The following KAZN variants were observed in gnomAD, a reference collection of about 807,000 sequenced individuals.
KAZN encodes kazrin.
A neutral mutation model predicts 87.4 loss-of-function variants in KAZN; 40 were observed. The observed-to-expected ratio is 0.46, with a 90% CI of 0.36 to 0.60. The LOEUF is 0.60. Among genes scored for constraint, KAZN ranks in the 20% least tolerant of loss-of-function variants. KAZN has a pLI of 0.00. For synonymous variants in KAZN, 466 were observed against 458.3 expected (o/e 1.02, Z -0.22); for missense variants, 898 against 1,073.9 (o/e 0.84, Z 2.29).
At chr1:14,777,510 C>T (rs1365218204) in intron 1 of KAZN, among the ~76,000 whole-genome samples, 1 of 152,118 alleles carries the variant, frequency 6.6e-6, no homozygotes, top group Non-Finnish European at 1.5e-5. Flanking sequence ...CCATGCGACC[C>T]CCACAGGGCC....
At chr1:14,623,777 T>C (rs1052393640) in intron 1 of KAZN, among the ~76,000 whole-genome samples, 1 of 152,212 alleles carries the variant, frequency 6.6e-6, no homozygotes, top group African/African-American at 2.4e-5. Flanking sequence ...TTTTGATATC[T>C]AATTGACTGA....
At chr1:14,631,276 AC>A (rs1344558870) in intron 1 of KAZN, among the ~76,000 whole-genome samples, 2 of 152,218 alleles carry the variant, frequency 1.3e-5, no homozygotes, top group African/African-American at 4.8e-5. Flanking sequence ...GGTAGGGAGC[AC>A]CAAGTATGAG....
chr1:14,384,375 G>C (rs930691670), intron 2 of KAZN, among the ~76,000 whole-genome samples: 1 of 152,108 alleles, frequency 6.6e-6, no homozygotes, highest in African/African-American at 2.4e-5. Flanking sequence ...GGTGAGAGGG[G>C]GCATTCCTGT....
chr1:14,647,826 C>T (rs905040751), intron 1 of KAZN, among the ~76,000 whole-genome samples: 3 of 152,144 alleles, frequency 2.0e-5, no homozygotes, highest in African/African-American at 7.2e-5. Flanking sequence ...TCTCCCGCAC[C>T]TTAACCCCCT....
intron 1 of KAZN, among the ~76,000 whole-genome samples, chr1:14,958,796 G>C (rs1663488166): frequency 6.6e-6 from 1 of 152,228 alleles, no homozygotes; most frequent in African/African-American, 2.4e-5. Context: ...CCCTCCCCTG[G>C]TCCCTCTGTG....
chr1:14,956,376 G>A (rs1479700103), intron 1 of KAZN, among the ~76,000 whole-genome samples: 25 of 151,320 alleles, frequency 1.7e-4, no homozygotes, highest in Non-Finnish European at 1.5e-5. Flanking sequence ...GAGGCAGGTG[G>A]ATCATCTGAG....
intron 2 of KAZN, among the ~76,000 whole-genome samples, chr1:14,191,945 C>T (rs1202484386): frequency 6.6e-6 from 1 of 152,146 alleles, no homozygotes; most frequent in African/African-American, 2.4e-5. Context: ...AATCTCCTCT[C>T]TCACCATGGC....
chr1:14,158,082 T>C (rs1313857638), intron 1 of KAZN, among the ~76,000 whole-genome samples: 3 of 152,098 alleles, frequency 2.0e-5, no homozygotes, highest in African/African-American at 7.2e-5. Context: ...TCAGGTAATC[T>C]TCTTCAGGTT....
chr1:14,203,126 G>T (rs1646673288), intron 2 of KAZN, among the ~76,000 whole-genome samples: 1 of 151,836 alleles, frequency 6.6e-6, no homozygotes, highest in Non-Finnish European at 1.5e-5. Context: ...TAAATAATAA[G>T]AAGCCTATCG....
chr1:14,736,295 G>A (rs866063297), intron 1 of KAZN, among the ~76,000 whole-genome samples: 15 of 128,584 alleles, frequency 1.2e-4, no homozygotes, highest in East Asian at 9.8e-4. Flanking sequence ...GTGTGTGTGT[G>A]TGTGTATATT....
At chr1:14,348,561 T>C (rs908513805) in intron 2 of KAZN, among the ~76,000 whole-genome samples, 2 of 152,216 alleles carry the variant, frequency 1.3e-5, no homozygotes, top group Non-Finnish European at 2.9e-5. Flanking sequence ...ACCACCTCCC[T>C]GAATCTGAGA....
intron 1 of KAZN, chr1:14,924,417 A>G (rs1273709644): frequency 3.0e-6 from 3 of 986,628 alleles, no homozygotes; most frequent in Non-Finnish European, 3.6e-6. Context: ...CTCGCGGCGC[A>G]GGGCGAGCCG....
chr1:15,034,862 C>G lies in KAZN; in HGVS notation c.532C>G (p.Arg178Gly). 1 of 1,613,942 alleles carries G rather than the reference C, an allele frequency of 6.2e-7. No individual in the cohort carries two copies. The highest frequency in any genetic ancestry group is 1.1e-5 in the South Asian group (1 of 91,060). The change falls in exon 3 of 15, where the codon CGC becomes GGC. Residue 178 changes from arginine (R) to glycine (G), a missense_variant. Around this residue, in one of 3 missense-constraint regions of KAZN, gnomAD observed 250 missense variants for 263.0 expected, o/e 0.95. Transcript: ENST00000376030. ...SREEQLRDFI[R>G]NYEQHRKESE... Reference sequence around the variant, plus strand: ...CGAGGAGCAGCTCCGAGACTTCATCCGCAACTATGAGCAGCACCGCAAGGT... The same window carrying G: ...CGAGGAGCAGCTCCGAGACTTCATCGGCAACTATGAGCAGCACCGCAAGGT...
At chr1:15,004,859 C>G (rs1266414580) in intron 2 of KAZN, among the ~76,000 whole-genome samples, 2 of 152,160 alleles carry the variant, frequency 1.3e-5, no homozygotes, top group Non-Finnish European at 2.9e-5. Flanking sequence ...TAGTACCCAC[C>G]ACCTGGCATG....
At chr1:14,236,002 C>T (rs1052651120) in intron 2 of KAZN, among the ~76,000 whole-genome samples, 10 of 152,158 alleles carry the variant, frequency 6.6e-5, no homozygotes, top group African/African-American at 2.4e-4. Context: ...ATCATTACTC[C>T]TCCATTCTTA....
At chr1:14,691,943 TA>T (rs1488194609) in intron 1 of KAZN, among the ~76,000 whole-genome samples, 9 of 145,072 alleles carry the variant, frequency 6.2e-5, no homozygotes, top group Non-Finnish European at 3.0e-5. Flanking sequence ...TTTTTTTTTT[TA>T]CGATGAATTC....
At chr1:14,919,160 G>A (rs887029911) in intron 1 of KAZN, among the ~76,000 whole-genome samples, 1 of 152,094 alleles carries the variant, frequency 6.6e-6, no homozygotes, top group Non-Finnish European at 1.5e-5. Context: ...ACACTCAGAT[G>A]CAGAGACAGG....
At chr1:14,657,047 G>C (rs1230868608) in intron 1 of KAZN, among the ~76,000 whole-genome samples, 1 of 149,168 alleles carries the variant, frequency 6.7e-6, no homozygotes, top group Non-Finnish European at 1.5e-5. Flanking sequence ...GTTTTAGGGA[G>C]CACCTCCTAG....
At position 15,007,946 on chromosome 1, in the gene KAZN, GCA is replaced by G. The variant is rs373891747; in HGVS notation, c.419-26800_419-26799del. 8.7e-4 allele frequency among the ~76,000 whole-genome samples: 132 copies of G among 152,328 alleles called. 1 individual carries two copies. In the East Asian group the frequency reaches 0.021, roughly 24 times the overall value. On this transcript the variant is annotated intron_variant, in intron 2 of 14. Transcript: ENST00000376030. The stretch of plus-strand genomic sequence containing the variant: ...GGAGCCGTGCCGTCACCCAGCCTTG[GCA>G]CAGAGGCGGCCCCTGCGAGTGGGAC...
Sources: allele counts gnomAD v4.1 joint callset (sites outside exome capture counted in the v4.1 genomes callset), GRCh38; gene constraint gnomAD v4.1.1; regional missense constraint gnomAD v4.1.1; transcripts MANE v1.5; gene names NCBI Gene and HGNC (gene_info 2026-07-23, HGNC 2026-07-21).